The following RAB18 variants were observed in gnomAD, a reference collection of about 807,000 sequenced individuals.
RAB18 encodes RAB18, member RAS oncogene family, also known as ras-related protein Rab-18.
Under a neutral mutation model 28.5 loss-of-function variants are expected in RAB18, and 10 were observed. The observed-to-expected ratio is 0.35, with a 90% CI of 0.22 to 0.60. RAB18 has a LOEUF of 0.60. RAB18 is among the 20% of genes least tolerant of loss of function. RAB18 has a pLI of 0.78. For missense variants in RAB18, 188 were observed against 244.2 expected, an observed-to-expected ratio of 0.77 and a Z score of 1.53; for synonymous variants, 93 against 86.9, an observed-to-expected ratio of 1.07 and a Z score of -0.39.
chr10:27,505,687 G>A (rs1007126116), intron 1 of RAB18, among the ~76,000 whole-genome samples: 2 of 152,182 alleles, frequency 1.3e-5, no homozygotes, highest in East Asian at 1.9e-4. Context: ...AGCCTCCCGA[G>A]TAGCTGGGAC....
In RAB18 at chr10:27,540,261, C is replaced by T. The variant is rs1834994895; in HGVS notation, c.*2210C>T. 4.4e-6 allele frequency: 2 copies of T among 453,962 alleles called. No homozygotes were observed. Among genetic ancestry groups the T allele is most frequent in the Non-Finnish European group, 4.4e-6 (1 of 226,752 alleles). 28.1% of individuals were successfully genotyped at this position (453,962 alleles called of 1,614,324 possible). The stretch of plus-strand genomic sequence containing the variant: ...ACAGCAACCTTAAGAGATTAGTACT[C>T]CTATTATGCCCATTTTAAAGGTGAG... On this transcript the variant is annotated 3_prime_UTR_variant, in exon 7 of 7. Coordinates refer to ENST00000356940, the MANE Select transcript of RAB18 (RefSeq NM_021252.5).
In RAB18 at chr10:27,541,300, G is replaced by A. The variant is rs1242925976; in HGVS notation, c.*3249G>A. On this transcript the variant is annotated 3_prime_UTR_variant, in exon 7 of 7. Transcript: ENST00000356940. Reference sequence around the variant, plus strand: ...AGAATAAATAGACATAGACAGGCTAGCTAAGTCAAGACTAGGGGCTAAGGA... The same window carrying A: ...AGAATAAATAGACATAGACAGGCTAACTAAGTCAAGACTAGGGGCTAAGGA... 1 of 452,880 alleles carries A rather than the reference G, an allele frequency of 2.2e-6. No homozygotes were observed. Among genetic ancestry groups the A allele is most frequent in the African/African-American group, 2.0e-5 (1 of 49,658 alleles). The allele number at this position is 452,880 out of a possible 1,614,324, so 28.1% of individuals were successfully genotyped here.
At position 27,538,842 on chromosome 10, in the gene RAB18, C is replaced by G. The variant is rs1464946257; in HGVS notation, c.*791C>G. 1 of 453,884 alleles carries G rather than the reference C, an allele frequency of 2.2e-6. No individual in the cohort carries two copies. The highest frequency in any genetic ancestry group is 4.4e-6 in the Non-Finnish European group (1 of 226,752). 28.1% of individuals were successfully genotyped at this position (453,884 alleles called of 1,614,324 possible). ...AGTGTGTTTATTGTAACTCCTCATACACTTTTAAAACCAACATCTTTTTTC... is the reference window on the plus strand; with the variant it reads ...AGTGTGTTTATTGTAACTCCTCATAGACTTTTAAAACCAACATCTTTTTTC... On this transcript the variant is annotated 3_prime_UTR_variant, in exon 7 of 7. Coordinates refer to ENST00000356940, the MANE Select transcript of RAB18 (RefSeq NM_021252.5).
chr10:27,527,518 C>T (rs1276787502), intron 3 of RAB18, among the ~76,000 whole-genome samples: 1 of 151,912 alleles, frequency 6.6e-6, no homozygotes, highest in Non-Finnish European at 1.5e-5. Flanking sequence ...TCCCTTTCAT[C>T]AGTCTATTTA....
At chr10:27,522,948 T>C (rs973201239) in intron 2 of RAB18, among the ~76,000 whole-genome samples, 1 of 152,056 alleles carries the variant, frequency 6.6e-6, no homozygotes, top group African/African-American at 2.4e-5. Flanking sequence ...GGTTTTCTTT[T>C]AGAAGCAACT....
intron 6 of RAB18, 100 bp from the exon 7 acceptor site, chr10:27,537,776 A>T (rs141427540): frequency 9.8e-7 from 1 of 1,021,568 alleles, no homozygotes; most frequent in Non-Finnish European, 1.5e-6. Context: ...ATCTTAATAT[A>T]TTGTAGGCTG....
At position 27,542,197 on chromosome 10, in the gene RAB18, T is replaced by C; in HGVS notation, c.*4146T>C. On this transcript the variant is annotated 3_prime_UTR_variant, in exon 7 of 7. Transcript: ENST00000356940. ...CTGAATTGAGATCTATTTCTCAGCTTTCACTTATGTGAGCCAATAAATTCC... is the reference window on the plus strand; with the variant it reads ...CTGAATTGAGATCTATTTCTCAGCTCTCACTTATGTGAGCCAATAAATTCC... 1 of 454,136 alleles carries C rather than the reference T, an allele frequency of 2.2e-6. No individual in the cohort carries two copies. The allele number at this position is 454,136 out of a possible 1,614,324, so 28.1% of individuals were successfully genotyped here. A position where few individuals can be genotyped will look rare whatever the true frequency, so the allele number is the denominator to read the frequency against.
chr10:27,509,742 T>C, intron 1 of RAB18, 133 bp from the exon 2 acceptor site: 1 of 746,524 alleles, frequency 1.3e-6, no homozygotes, highest in Non-Finnish European at 2.4e-6. Context: ...TCTGAGGCAG[T>C]ATTCCTAGGA....
Position 27,539,391 on chromosome 10 carries a change from T to C in RAB18, c.*1340T>C, listed in dbSNP as rs1320574072. Reference sequence around the variant, plus strand: ...TTTGTGAGTGACCACCTTTGCAATATGTTTGTTAATTTACTTCATGTTGGG... The same window carrying C: ...TTTGTGAGTGACCACCTTTGCAATACGTTTGTTAATTTACTTCATGTTGGG... On this transcript the variant is annotated 3_prime_UTR_variant, in exon 7 of 7. Transcript: ENST00000356940. 1 of 297,124 alleles carries C rather than the reference T, an allele frequency of 3.4e-6. No individual in the cohort carries two copies. Among genetic ancestry groups the C allele is most frequent in the Non-Finnish European group, 6.5e-6 (1 of 153,492 alleles). The allele number at this position is 297,124 out of a possible 1,614,324, so 18.4% of individuals were successfully genotyped here.
chr10:27,524,301 G>A (rs11015846), intron 2 of RAB18, among the ~76,000 whole-genome samples: 3,738 of 152,188 alleles, frequency 0.025, 59 homozygotes, highest in Admixed American at 0.039. Flanking sequence ...AACATGTGGT[G>A]TACAGTTGTA....
At chr10:27,536,122 T>C (rs1170140490) in intron 6 of RAB18, among the ~76,000 whole-genome samples, 1 of 151,816 alleles carries the variant, frequency 6.6e-6, no homozygotes, top group African/African-American at 2.4e-5. Context: ...ACTCCATGTT[T>C]TAGGCATGAG....
chr10:27,535,294 T>C (rs1834870843), intron 6 of RAB18, among the ~76,000 whole-genome samples: 1 of 152,190 alleles, frequency 6.6e-6, no homozygotes, highest in Admixed American at 6.5e-5. Flanking sequence ...ATTAGTGTTA[T>C]TGTATGTTAT....
intron 3 of RAB18, among the ~76,000 whole-genome samples, chr10:27,529,800 A>G (rs187147191): frequency 4.6e-5 from 7 of 152,144 alleles, no homozygotes; most frequent in Admixed American, 6.5e-5. Context: ...TATAGTTACT[A>G]TAAATCCTGA....
intron 2 of RAB18, among the ~76,000 whole-genome samples, chr10:27,524,090 T>A (rs4749251): frequency 2.0e-5 from 3 of 151,862 alleles, no homozygotes; most frequent in Admixed American, 6.5e-5. Flanking sequence ...AAAAAAAAAA[T>A]AAAAATAAAA....
chr10:27,504,306 T>G lies in RAB18; in HGVS notation c.-64T>G, dbSNP rs772029691. On this transcript the variant is annotated 5_prime_UTR_variant, in exon 1 of 7. Coordinates refer to ENST00000356940, the MANE Select transcript of RAB18 (RefSeq NM_021252.5). ...GCGGCGCGCATGCGCAGCAGCTCAC[T>G]CTGCTGAAGGGCTGAGAGGCGCACC... The G allele has an allele frequency of 7.4e-6, 11 of 1,489,384 alleles. No individual in the cohort carries two copies. The East Asian group carries it at 1.7e-4, about 23-fold the overall frequency. 92.3% of individuals were successfully genotyped at this position (1,489,384 alleles called of 1,614,324 possible).
At chr10:27,517,732 A>G (rs1453036097) in intron 2 of RAB18, among the ~76,000 whole-genome samples, 4 of 152,150 alleles carry the variant, frequency 2.6e-5, no homozygotes, top group Non-Finnish European at 4.4e-5. Flanking sequence ...ATACAGTTTG[A>G]TTTTTAACAT....
In RAB18 at chr10:27,537,962, A is replaced by T; in HGVS notation, c.532A>T (p.Ser178Cys). ...CATTCAGACCCCTGGACTGTGGGAA[A>T]GTGAGAACCAGAATAAAGGAGTCAA... ...KIIQTPGLWE[S>C]ENQNKGVKLS... Residue 178 changes from serine (S) to cysteine (C), a missense_variant, in exon 7 of 7, where the codon AGT (serine) becomes TGT (cysteine). Transcript: ENST00000356940. 2 of 1,614,152 alleles carry T rather than the reference A, an allele frequency of 1.2e-6. No homozygotes were observed. The highest frequency in any genetic ancestry group is 1.7e-6 in the Non-Finnish European group (2 of 1,180,002).
intron 2 of RAB18, among the ~76,000 whole-genome samples, chr10:27,524,548 A>T (rs1834634649): frequency 6.6e-6 from 1 of 152,178 alleles, no homozygotes; most frequent in Admixed American, 6.5e-5. Flanking sequence ...CAGTGTGCCT[A>T]AAAAAAGATT....
In RAB18 at chr10:27,536,956, A is replaced by G. The variant is rs11015856; in HGVS notation, c.446-920A>G. ...GAGAGTGGAGAAATGGGTGGCTACA[A>G]GAAGGGCATGTGGCCTAGAGAGCAA... is the stretch of plus-strand genomic sequence containing the variant. On this transcript the variant is annotated intron_variant, in intron 6 of 6. Transcript: ENST00000356940. 0.023 allele frequency among the ~76,000 whole-genome samples: 3,533 copies of G among 152,314 alleles called. 311 individuals carry two copies. The East Asian group carries it at 0.3, about 13-fold the overall frequency.
Sources: allele counts gnomAD v4.1 joint callset (sites outside exome capture counted in the v4.1 genomes callset), GRCh38; gene constraint gnomAD v4.1.1; transcripts MANE v1.5; gene names NCBI Gene and HGNC (gene_info 2026-07-23, HGNC 2026-07-21).